Variants in PAPSS2 observed in about 807,000 individuals in gnomAD.
PAPSS2 encodes bifunctional 3'-phosphoadenosine 5'-phosphosulfate synthase 2.
PAPSS2 carries 61 observed loss-of-function variants against 66.5 expected under a neutral mutation model. The observed-to-expected ratio is 0.92, with a 90% CI of 0.75 to 1.14. The LOEUF (loss-of-function observed/expected upper bound fraction) is 1.14, where lower values mean the gene tolerates loss of function less well. Ranked by LOEUF, PAPSS2 falls within the 50% of genes most tolerant of loss-of-function variation. The probability of loss-of-function intolerance (pLI) is 0.00; values close to 1 mark genes in which losing one functional copy is unlikely to be tolerated. For synonymous variants in PAPSS2, 289 were observed against 287.5 expected, an observed-to-expected ratio of 1.01 and a Z score of -0.05; for missense variants, 708 against 789.6, an observed-to-expected ratio of 0.90 and a Z score of 1.24.
intron 10 of PAPSS2, among the ~76,000 whole-genome samples, chr10:87,742,271 T>G (rs775127676): frequency 6.6e-6 from 1 of 152,204 alleles, no homozygotes; most frequent in Non-Finnish European, 1.5e-5. Context: ...ATAATCATGT[T>G]CTGGAAAACA....
intron 1 of PAPSS2, among the ~76,000 whole-genome samples, chr10:87,708,518 C>G (rs1853422587): frequency 6.6e-6 from 1 of 152,172 alleles, no homozygotes; most frequent in African/African-American, 2.4e-5. Context: ...CACCCCCACC[C>G]TAGTATTTCC....
chr10:87,687,700 A>G (rs1853105764), intron 1 of PAPSS2, among the ~76,000 whole-genome samples: 1 of 152,224 alleles, frequency 6.6e-6, no homozygotes, highest in African/African-American at 2.4e-5. Context: ...TGAAGAAATG[A>G]TAAGTGTTTG....
At chr10:87,673,976 T>A (rs1486834615) in intron 1 of PAPSS2, among the ~76,000 whole-genome samples, 1 of 152,156 alleles carries the variant, frequency 6.6e-6, no homozygotes, top group Non-Finnish European at 1.5e-5. Context: ...ATCTTGGGAC[T>A]GTCCAGGGCT....
intron 9 of PAPSS2, among the ~76,000 whole-genome samples, chr10:87,738,326 T>G (rs963924357): frequency 6.6e-6 from 1 of 152,188 alleles, no homozygotes; most frequent in African/African-American, 2.4e-5. Flanking sequence ...CCTTTTACAA[T>G]CCCACTAACA....
chr10:87,685,197 T>A (rs1853072647), intron 1 of PAPSS2, among the ~76,000 whole-genome samples: 2 of 152,158 alleles, frequency 1.3e-5, no homozygotes, highest in Admixed American at 1.3e-4. Context: ...GAGAGGAGAG[T>A]TGAGCTTGTC....
At position 87,710,735 on chromosome 10, in the gene PAPSS2, T is replaced by C. The variant is rs1853453407; in HGVS notation, c.145+1422T>C. On this transcript the variant is annotated intron_variant, in intron 2 of 12. Coordinates refer to ENST00000456849, the MANE Select transcript of PAPSS2 (RefSeq NM_001015880.2). ...AAAAATCAAGGCCGGGCTTGGTAGC[T>C]CTTGCCTATAATCCCAGCACTTTGG... 2.0e-5 allele frequency among the ~76,000 whole-genome samples: 3 copies of C among 152,194 alleles called. No homozygotes were observed. In the South Asian group the frequency reaches 6.2e-4, roughly 31 times the overall value.
intron 1 of PAPSS2, among the ~76,000 whole-genome samples, chr10:87,696,925 C>T (rs1239905967): frequency 6.6e-6 from 1 of 152,194 alleles, no homozygotes; most frequent in African/African-American, 2.4e-5. Flanking sequence ...CTAGTTTACT[C>T]TATTAGTAAC....
At chr10:87,706,084 G>GTATATATATATATATATATATA (rs532950801) in intron 1 of PAPSS2, among the ~76,000 whole-genome samples, 65 of 60,108 alleles carry the variant, frequency 1.1e-3, no homozygotes, top group East Asian at 1.5e-3. Context: ...TCTTCACATG[G>GTATATATATATATATATATATA]TATATATATA....
chr10:87,688,835 A>C (rs1302596210), intron 1 of PAPSS2, among the ~76,000 whole-genome samples: 2 of 151,554 alleles, frequency 1.3e-5, no homozygotes, highest in African/African-American at 4.9e-5. Context: ...GACCAAAATA[A>C]CTCTCTCTTT....
At chr10:87,661,758 C>A (rs1373959659) in intron 1 of PAPSS2, among the ~76,000 whole-genome samples, 2 of 152,164 alleles carry the variant, frequency 1.3e-5, no homozygotes, top group East Asian at 3.8e-4. Context: ...ACATTCTGAA[C>A]CTTCTATTTT....
intron 10 of PAPSS2, among the ~76,000 whole-genome samples, chr10:87,742,950 G>C (rs1391091541): frequency 1.3e-5 from 2 of 152,184 alleles, no homozygotes; most frequent in African/African-American, 4.8e-5. Flanking sequence ...CTGATTATCA[G>C]AAGCCAGTGG....
chr10:87,721,644 A>G, intron 7 of PAPSS2, 112 bp from the exon 8 acceptor site: 1 of 705,540 alleles, frequency 1.4e-6, no homozygotes, highest in South Asian at 1.8e-5. Flanking sequence ...GTATATTTGT[A>G]TGTTGTATAT....
intron 9 of PAPSS2, among the ~76,000 whole-genome samples, chr10:87,733,699 T>C (rs1853758307): frequency 6.6e-6 from 1 of 152,156 alleles, no homozygotes; most frequent in Admixed American, 6.5e-5. Flanking sequence ...GGGTGGGTAG[T>C]TAAAGCTCCC....
intron 2 of PAPSS2, among the ~76,000 whole-genome samples, chr10:87,710,339 A>G (rs1040225729): frequency 6.6e-6 from 1 of 152,190 alleles, no homozygotes; most frequent in African/African-American, 2.4e-5. Context: ...AACTTTCTGC[A>G]GCCTCCAGTG....
At chr10:87,712,445 T>A (rs1031973835) in intron 2 of PAPSS2, among the ~76,000 whole-genome samples, 3 of 152,192 alleles carry the variant, frequency 2.0e-5, no homozygotes, top group African/African-American at 7.2e-5. Context: ...TCTGGATTTG[T>A]ATACACAACT....
chr10:87,733,595 G>T (rs1257147013), intron 9 of PAPSS2, among the ~76,000 whole-genome samples: 1 of 152,098 alleles, frequency 6.6e-6, no homozygotes, highest in Middle Eastern at 3.2e-3. Flanking sequence ...TATATCAACA[G>T]AATCACCTGA....
chr10:87,707,583 T>C lies in PAPSS2; in HGVS notation c.28-1613T>C, dbSNP rs1207260444. Among the ~76,000 whole-genome samples the C allele has an allele frequency of 3.0e-3, 400 of 135,344 alleles. 1 individual carries two copies. Among genetic ancestry groups the C allele is most frequent in the African/African-American group, 0.011 (383 of 35,712 alleles). 88.8% of individuals were successfully genotyped at this position (135,344 alleles called of 152,430 possible). On this transcript the variant is annotated intron_variant, in intron 1 of 12. Coordinates refer to ENST00000456849, the MANE Select transcript of PAPSS2 (RefSeq NM_001015880.2). ...TTTTTTCTTTTTTTTTTTTTTTTTT[T>C]TTTTGAGACAGGGTCTCGCTCTGTT...
chr10:87,719,806 A>G (rs1589436771), intron 7 of PAPSS2, among the ~76,000 whole-genome samples: 1 of 152,174 alleles, frequency 6.6e-6, no homozygotes. Flanking sequence ...CAGTACAGTC[A>G]TTTTCTGAGA....
At chr10:87,736,336 C>T (rs756861453) in intron 9 of PAPSS2, among the ~76,000 whole-genome samples, 4 of 148,810 alleles carry the variant, frequency 2.7e-5, no homozygotes, top group Non-Finnish European at 5.9e-5. Flanking sequence ...GGCGAGACCC[C>T]GGCTCACTGC....
Sources: gnomAD v4.1 joint callset for allele counts (sites outside exome capture counted in the v4.1 genomes callset) on GRCh38, gnomAD v4.1.1 for gene constraint, MANE v1.5 for transcripts, NCBI Gene and HGNC (gene_info 2026-07-23, HGNC 2026-07-21) for gene names.